The following CYBRD1 variants were observed in gnomAD, a reference collection of about 807,000 sequenced individuals.
CYBRD1 encodes cytochrome b reductase 1, also known as plasma membrane ascorbate-dependent reductase CYBRD1.
Under a neutral mutation model 21.9 loss-of-function variants are expected in CYBRD1, and 14 were observed. That is an observed-to-expected ratio of 0.64 (90% confidence interval 0.42 to 1.00). The LOEUF (loss-of-function observed/expected upper bound fraction) is 1.00. Ranked by LOEUF, CYBRD1 falls within the 50% of genes least tolerant of loss-of-function variation. The probability of loss-of-function intolerance (pLI) is 0.00; values close to 1 mark genes in which losing one functional copy is unlikely to be tolerated. For missense variants in CYBRD1, 328 were observed against 352.5 expected, an observed-to-expected ratio of 0.93 and a Z score of 0.56; for synonymous variants, 146 against 136.5, an observed-to-expected ratio of 1.07 and a Z score of -0.48.
intron 2 of CYBRD1, among the ~76,000 whole-genome samples, chr2:171,551,467 T>C (rs1683375169): frequency 6.6e-6 from 1 of 152,344 alleles, no homozygotes; most frequent in Admixed American, 6.5e-5. Flanking sequence ...ACTTTTTAAA[T>C]ATAAATTACA....
At chr2:171,554,340 T>A (rs534262467) in intron 3 of CYBRD1, among the ~76,000 whole-genome samples, 184 bp from the exon 4 acceptor site, 3 of 152,346 alleles carry the variant, frequency 2.0e-5, no homozygotes, top group Admixed American at 1.3e-4. Context: ...TTATTATTTT[T>A]AAATCAATTT....
chr2:171,524,879 T>C (rs1426894692), intron 1 of CYBRD1, among the ~76,000 whole-genome samples: 1 of 152,242 alleles, frequency 6.6e-6, no homozygotes, highest in East Asian at 1.9e-4. Flanking sequence ...ACTTAACTCT[T>C]GGACAAAAAT....
At chr2:171,551,523 TG>T in intron 2 of CYBRD1, among the ~76,000 whole-genome samples, 1 of 152,352 alleles carries the variant, frequency 6.6e-6, no homozygotes, top group Admixed American at 6.5e-5. Context: ...CAGTTAATCT[TG>T]GCTATTCTTG....
intron 2 of CYBRD1, among the ~76,000 whole-genome samples, chr2:171,548,643 C>A (rs1480127458): frequency 1.7e-5 from 2 of 117,070 alleles, no homozygotes. Context: ...CTACCTGTAC[C>A]CTAAAAAAAA....
At position 171,525,255 on chromosome 2, in the gene CYBRD1, G is replaced by A. The variant is rs59494943; in HGVS notation, c.193+2517G>A. Among the ~76,000 whole-genome samples, 13 of 151,992 alleles carry A rather than the reference G, an allele frequency of 8.6e-5. No homozygotes were observed. In the South Asian group the frequency reaches 2.7e-3, roughly 32 times the overall value. On this transcript the variant is annotated intron_variant, in intron 1 of 3. Transcript: ENST00000321348. ...ACCCGGCCGATCTTGTTTTCTTTAG[G>A]TTCAATTACTGTATTTGTATCAATG...
rs1343676575 is a variant in CYBRD1, at chr2:171,553,416, T to C, written c.473T>C (p.Ile158Thr). The change falls in exon 3 of 4, where the codon ATA becomes ACA. Residue 158 changes from isoleucine to threonine, a missense_variant. By Grantham distance (89) the Ile-to-Thr change is moderately conservative. Transcript: ENST00000321348. The part of the protein sequence containing the change: ...PLSLRAFLMP[I>T]HVYSGIVIFG... ...TCTCTCCGAGCATTTCTCATGCCCA[T>C]ACATGTTTATTCTGGAATTGTCATC... 1.2e-6 allele frequency: 2 copies of C among 1,613,776 alleles called. No homozygotes were observed. Among genetic ancestry groups the C allele is most frequent in the East Asian group, 2.2e-5 (1 of 44,848 alleles).
Position 171,523,101 on chromosome 2 carries a change from T to C in CYBRD1, c.193+363T>C, listed in dbSNP as rs879499145. On this transcript the variant is annotated intron_variant, in intron 1 of 3. Coordinates refer to ENST00000321348, the MANE Select transcript of CYBRD1 (RefSeq NM_024843.4). ...CCCAGAAACTTGAGCCCGGGCGCGA[T>C]GCCGGAGCGCCGCGCAGTCGGGCCG... 63 of 331,254 alleles carry C rather than the reference T, an allele frequency of 1.9e-4. No individual in the cohort carries two copies. In the Admixed American group the frequency reaches 3.1e-3, roughly 16 times the overall value. 20.5% of individuals were successfully genotyped at this position (331,254 alleles called of 1,614,324 possible). A position where few individuals can be genotyped will look rare whatever the true frequency, so the allele number is the denominator to read the frequency against.
At chr2:171,524,205 CG>C (rs1697352927) in intron 1 of CYBRD1, among the ~76,000 whole-genome samples, 1 of 151,934 alleles carries the variant, frequency 6.6e-6, no homozygotes. Flanking sequence ...GGTGTGAGAT[CG>C]GCATCAGGGT....
intron 1 of CYBRD1, among the ~76,000 whole-genome samples, chr2:171,532,849 A>T (rs1231533901): frequency 6.7e-6 from 1 of 148,342 alleles, no homozygotes; most frequent in African/African-American, 2.5e-5. Context: ...TGGATATGTT[A>T]ATTAGCTTGA....
At chr2:171,531,293 GTTCA>G (rs368701592) in intron 1 of CYBRD1, among the ~76,000 whole-genome samples, 1 of 151,842 alleles carries the variant, frequency 6.6e-6, no homozygotes, top group African/African-American at 2.4e-5. Context: ...TTTTGTTGTT[GTTCA>G]TTCAATTTCT....
Position 171,554,508 on chromosome 2 carries a change from A to G in CYBRD1, c.558-16A>G, listed in dbSNP as rs1247804607. The G allele has an allele frequency of 1.9e-6, 3 of 1,612,868 alleles. No homozygotes were observed. The highest frequency in any genetic ancestry group is 1.7e-6 in the Non-Finnish European group (2 of 1,179,040). The stretch of plus-strand genomic sequence containing the variant: ...TATCATCCTGTTTGTAATTGGATAC[A>G]TCTCTTATTTCATAGGAGAGATCCT... On this transcript the variant is annotated splice_polypyrimidine_tract_variant and intron_variant, in intron 3 of 3. Transcript: ENST00000321348.
At position 171,556,155 on chromosome 2, in the gene CYBRD1, A is replaced by G. The variant is rs1052600146; in HGVS notation, c.*1328A>G. 6.6e-6 allele frequency: 1 copy of G among 152,334 alleles called. No individual in the cohort carries two copies. The highest frequency in any genetic ancestry group is 1.9e-4 in the East Asian group (1 of 5,190). 9.4% of individuals were successfully genotyped at this position (152,334 alleles called of 1,614,324 possible). A position where few individuals can be genotyped will look rare whatever the true frequency, so the allele number is the denominator to read the frequency against. On this transcript the variant is annotated 3_prime_UTR_variant, in exon 4 of 4. Coordinates refer to ENST00000321348, the MANE Select transcript of CYBRD1 (RefSeq NM_024843.4). ...TTGGTAACAAAAGATTTGGACAGGCATATCTGTAGCTTTCAAGTTAATTAA... is the reference window on the plus strand; with the variant it reads ...TTGGTAACAAAAGATTTGGACAGGCGTATCTGTAGCTTTCAAGTTAATTAA...
intron 1 of CYBRD1, among the ~76,000 whole-genome samples, chr2:171,532,953 A>G (rs962043873): frequency 6.6e-6 from 1 of 150,440 alleles, no homozygotes; most frequent in Admixed American, 6.7e-5. Context: ...GCAATTTTTA[A>G]TTGTCAAGTC....
chr2:171,524,387 C>T (rs2105327227), intron 1 of CYBRD1, among the ~76,000 whole-genome samples: 1 of 152,320 alleles, frequency 6.6e-6, no homozygotes, highest in East Asian at 1.9e-4. Flanking sequence ...CTTGTTTGCT[C>T]AAAGAGTAGA....
At chr2:171,538,673 A>G (rs999863590) in intron 1 of CYBRD1, among the ~76,000 whole-genome samples, 3 of 152,200 alleles carry the variant, frequency 2.0e-5, no homozygotes. Context: ...GAAAAATGAC[A>G]TCCTGTGCTG....
intron 3 of CYBRD1, among the ~76,000 whole-genome samples, chr2:171,553,728 T>C (rs1167811413): frequency 1.3e-5 from 2 of 152,238 alleles, no homozygotes; most frequent in Non-Finnish European, 2.9e-5. Context: ...ATTGAAGTTA[T>C]ACATTCCCTT....
rs116765264 is a variant in CYBRD1 at position 171,534,549 on chromosome 2, C to T, written c.194-7036C>T. Among the ~76,000 whole-genome samples, 183 of 152,262 alleles carry T rather than the reference C, an allele frequency of 1.2e-3. 3 individuals are homozygous for T. The highest frequency in any genetic ancestry group is 0.011 in the East Asian group (56 of 5,186). Reference sequence around the variant, plus strand: ...AGCATGTAAACAGCTTATGCAAATGCAACATTTTGCATTTATCCTTCATTT... The same window carrying T: ...AGCATGTAAACAGCTTATGCAAATGTAACATTTTGCATTTATCCTTCATTT... On this transcript the variant is annotated intron_variant, in intron 1 of 3. Coordinates refer to ENST00000321348, the MANE Select transcript of CYBRD1 (RefSeq NM_024843.4).
In CYBRD1 at chr2:171,522,730, A is replaced by T; in HGVS notation, c.185A>T (p.Gln62Leu). 1 of 1,613,328 alleles carries T rather than the reference A, an allele frequency of 6.2e-7. No individual in the cohort carries two copies. Among genetic ancestry groups the T allele is most frequent in the Non-Finnish European group, 8.5e-7 (1 of 1,179,868 alleles). Residue 62 changes from glutamine (Q) to leucine (L), a missense_variant, in exon 1 of 4, where the codon CAG becomes CTG. Coordinates refer to ENST00000321348, the MANE Select transcript of CYBRD1 (RefSeq NM_024843.4). This position sits in a 1 kb window ranked among gnomAD's most constrained non-coding sequence, Gnocchi z 4.3. ...VLMVTGFVFI[Q>L]GIAIIVYRLP... Reference sequence around the variant, plus strand: ...ATGGTCACCGGCTTCGTCTTCATCCAGGGCATCGGTACTGGCACCTCCTGG... The same window carrying T: ...ATGGTCACCGGCTTCGTCTTCATCCTGGGCATCGGTACTGGCACCTCCTGG...
Position 171,524,259 on chromosome 2 carries a change from T to C in CYBRD1, c.193+1521T>C, listed in dbSNP as rs77968430. 2.5e-3 allele frequency among the ~76,000 whole-genome samples: 388 copies of C among 152,216 alleles called. 4 individuals are homozygous for C. Among genetic ancestry groups the C allele is most frequent in the African/African-American group, 8.9e-3 (369 of 41,508 alleles). ...CCTAAGGCATTTCGTTGCGTAACTC[T>C]CAGTTATTTTGCCACTATGCTTATA... On this transcript the variant is annotated intron_variant, in intron 1 of 3. Transcript: ENST00000321348.
Sources: allele counts gnomAD v4.1 joint callset (sites outside exome capture counted in the v4.1 genomes callset), GRCh38; gene constraint gnomAD v4.1.1; non-coding constraint Gnocchi (gnomAD v3.1); transcripts MANE v1.5; gene names NCBI Gene and HGNC (gene_info 2026-07-23, HGNC 2026-07-21).